Variants in DCAF6 observed in about 807,000 individuals in gnomAD.
DCAF6 encodes the protein DDB1- and CUL4-associated factor 6.
A neutral mutation model predicts 125.1 loss-of-function variants in DCAF6; 54 were observed. The observed-to-expected ratio is 0.43, with a 90% confidence interval of 0.35 to 0.54. The LOEUF (loss-of-function observed/expected upper bound fraction) is 0.54, where lower values mean the gene tolerates loss of function less well. DCAF6 is among the 20% of genes least tolerant of loss of function. DCAF6 has a pLI of 0.01. For missense variants in DCAF6, 934 were observed against 1,161.7 expected, an observed-to-expected ratio of 0.80 and a Z score of 2.85; for synonymous variants, 371 against 390.4, an observed-to-expected ratio of 0.95 and a Z score of 0.58.
chr1:167,902,048 AAC>A, the DCAF6 span: 1 of 1,610,010 alleles, frequency 6.2e-7, no homozygotes, highest in East Asian at 2.2e-5. Flanking sequence ...TCCAAAAATC[AAC>A]ACTTCTGAGA....
intron 3 of DCAF6, among the ~76,000 whole-genome samples, chr1:167,972,159 G>A (rs1290914361): frequency 6.6e-6 from 1 of 152,172 alleles, no homozygotes; most frequent in Non-Finnish European, 1.5e-5. Flanking sequence ...GCCTGGCCCA[G>A]CTATCAAAAA....
chr1:167,883,178 C>CA, the DCAF6 span, among the ~76,000 whole-genome samples: 1 of 152,376 alleles, frequency 6.6e-6, no homozygotes, highest in East Asian at 1.9e-4. Flanking sequence ...GCTGAGATTA[C>CA]AGGCACGTGC....
the DCAF6 span, chr1:167,920,165 AAAGT>A: frequency 4.8e-5 from 43 of 901,350 alleles, no homozygotes; most frequent in Middle Eastern, 1.1e-3. Flanking sequence ...AATATTGAGT[AAAGT>A]AATTACAACA....
chr1:167,954,195 G>A (rs1349154156), intron 2 of DCAF6, among the ~76,000 whole-genome samples: 2 of 151,662 alleles, frequency 1.3e-5, no homozygotes, highest in African/African-American at 2.4e-5. Flanking sequence ...TAGTAGAGAC[G>A]GGGTTTCGCC....
the DCAF6 span, among the ~76,000 whole-genome samples, chr1:167,887,698 A>AAAAT: frequency 1.3e-4 from 19 of 151,986 alleles, no homozygotes; most frequent in Admixed American, 5.9e-4. Flanking sequence ...AAGTATAATA[A>AAAAT]AAATAAATAA....
At chr1:167,922,505 T>G in the DCAF6 span, among the ~76,000 whole-genome samples, 2 of 152,228 alleles carry the variant, frequency 1.3e-5, no homozygotes, top group Admixed American at 6.5e-5. Flanking sequence ...TACTATGTAA[T>G]TTTAAGTGTA....
chr1:167,905,238 A>G, the DCAF6 span: 7 of 1,373,576 alleles, frequency 5.1e-6, no homozygotes, highest in South Asian at 1.2e-5. Context: ...TGATATATTC[A>G]TTTGCTCATT....
At chr1:168,033,487 T>C (rs1687400937) in intron 12 of DCAF6, among the ~76,000 whole-genome samples, 1 of 151,634 alleles carries the variant, frequency 6.6e-6, no homozygotes, top group Admixed American at 6.6e-5. Context: ...GGCTAATTTT[T>C]TGTATTTTTT....
chr1:168,039,768 G>T lies in DCAF6; in HGVS notation c.1727+1280G>T, dbSNP rs186777038. Among the ~76,000 whole-genome samples, 241 of 148,700 alleles carry T rather than the reference G, an allele frequency of 1.6e-3. 1 individual carries two copies. The highest frequency in any genetic ancestry group is 8.4e-3 in the Admixed American group (124 of 14,830). ...ATGTAATATAATATAGTTATGTATT[G>T]TCTTAATATGTAATGAATTATATGT... On this transcript the variant is annotated intron_variant, in intron 13 of 21. Transcript: ENST00000367840.
rs758635021 is a variant in DCAF6, at chr1:168,003,859, T to C, written c.998-11T>C. 33 of 1,607,512 alleles carry C rather than the reference T, an allele frequency of 2.1e-5. No individual in the cohort carries two copies. The highest frequency in any genetic ancestry group is 2.8e-5 in the Non-Finnish European group (33 of 1,177,116). On this transcript the variant is annotated splice_polypyrimidine_tract_variant and intron_variant, in intron 8 of 21. Coordinates refer to ENST00000367840, the MANE Select transcript of DCAF6 (RefSeq NM_001198956.2). Reference sequence around the variant, plus strand: ...TTACTAAACTCACTGATAAGACCTATATTGTAATAGGAGAGCAGAGTCCCA... The same window carrying C: ...TTACTAAACTCACTGATAAGACCTACATTGTAATAGGAGAGCAGAGTCCCA...
At chr1:167,876,130 G>A in the DCAF6 span, among the ~76,000 whole-genome samples, 6 of 151,884 alleles carry the variant, frequency 4.0e-5, no homozygotes, top group Admixed American at 2.6e-4. Flanking sequence ...GGTGGCTTGC[G>A]CCTGCCATCC....
chr1:167,967,308 A>G (rs761241439), intron 3 of DCAF6, among the ~76,000 whole-genome samples: 20 of 152,218 alleles, frequency 1.3e-4, no homozygotes, highest in Non-Finnish European at 2.5e-4. Context: ...ATAAGCTAAT[A>G]AACTCCCTCA....
Position 168,065,786 on chromosome 1 carries a change from G to A in DCAF6, c.2596+40G>A, listed in dbSNP as rs779928551. 6 of 1,564,050 alleles carry A rather than the reference G, an allele frequency of 3.8e-6. No individual in the cohort carries two copies. In the Admixed American group the frequency reaches 8.9e-5, roughly 23 times the overall value. On this transcript the variant is annotated intron_variant, in intron 19 of 21. Coordinates refer to ENST00000367840, the MANE Select transcript of DCAF6 (RefSeq NM_001198956.2). ...CTAGGACGAGGGCTAGAAATTATTT[G>A]TATGACTCATCAGTCATACAAAATT...
chr1:167,925,470 T>TATATATATATATAC, the DCAF6 span, among the ~76,000 whole-genome samples: 15 of 107,770 alleles, frequency 1.4e-4, 1 homozygote, highest in East Asian at 3.3e-3. Context: ...TATATATATA[T>TATATATATATATAC]ATATACATAT....
At chr1:168,058,525 A>C (rs1003716679) in intron 17 of DCAF6, among the ~76,000 whole-genome samples, 3 of 152,176 alleles carry the variant, frequency 2.0e-5, no homozygotes, top group African/African-American at 7.2e-5. Flanking sequence ...AAATAAGATT[A>C]TGCATCTCAT....
the DCAF6 span, among the ~76,000 whole-genome samples, chr1:167,884,572 C>T: frequency 1.3e-5 from 2 of 152,016 alleles, no homozygotes; most frequent in Non-Finnish European, 2.9e-5. Context: ...CTAGGTCTTT[C>T]TCATTCTTTC....
chr1:167,994,742 T>A (rs958213840), intron 7 of DCAF6, among the ~76,000 whole-genome samples: 20 of 152,174 alleles, frequency 1.3e-4, no homozygotes, highest in African/African-American at 4.8e-4. Flanking sequence ...CACTTTGGCT[T>A]TTTTATTTTA....
chr1:167,880,669 C>A, the DCAF6 span: 3 of 1,303,550 alleles, frequency 2.3e-6, no homozygotes, highest in Non-Finnish European at 3.3e-6. Context: ...ACTGGACTGG[C>A]CAGAAGGCTC....
At chr1:168,053,444 C>G (rs1044275908) in intron 17 of DCAF6, among the ~76,000 whole-genome samples, 2 of 152,140 alleles carry the variant, frequency 1.3e-5, no homozygotes, top group Non-Finnish European at 2.9e-5. Context: ...ATTACTGTTT[C>G]AGGGGTCCCA....
Sources: gnomAD v4.1 joint callset for allele counts (sites outside exome capture counted in the v4.1 genomes callset) on GRCh38, gnomAD v4.1.1 for gene constraint, MANE v1.5 for transcripts, NCBI Gene and HGNC (gene_info 2026-07-23, HGNC 2026-07-21) for gene names.